The following GLIPR2 variants were observed in gnomAD, a reference collection of about 807,000 sequenced individuals.
The protein encoded by GLIPR2 is GLI pathogenesis related 2.
Under a neutral mutation model 20.4 loss-of-function variants are expected in GLIPR2, and 21 were observed. The ratio of observed to expected loss-of-function variants is 1.03; its 90% CI spans 0.73 to 1.48. GLIPR2 has a LOEUF of 1.48. Among genes scored for constraint, GLIPR2 ranks in the 40% most tolerant of loss-of-function variants. The pLI is 0.00. For synonymous variants in GLIPR2, 91 were observed against 80.5 expected, an observed-to-expected ratio of 1.13 and a Z score of -0.70; for missense variants, 205 against 200.1, an observed-to-expected ratio of 1.02 and a Z score of -0.15.
chr9:36,162,534 T>C lies in GLIPR2; in HGVS notation c.*12T>C. ...CGCCGAAGAAGTAACTTGTTAAATGTAATGGGAAGGTGGCAGACTTAAGAA... is the reference window on the plus strand; with the variant it reads ...CGCCGAAGAAGTAACTTGTTAAATGCAATGGGAAGGTGGCAGACTTAAGAA... On this transcript the variant is annotated 3_prime_UTR_variant, in exon 5 of 5. Transcript: ENST00000377960. 4 of 1,613,846 alleles carry C rather than the reference T, an allele frequency of 2.5e-6. No homozygotes were observed. Among genetic ancestry groups the C allele is most frequent in the Non-Finnish European group, 3.4e-6 (4 of 1,179,848 alleles).
At chr9:36,139,299 C>T (rs1282271209) in intron 1 of GLIPR2, among the ~76,000 whole-genome samples, 1 of 151,976 alleles carries the variant, frequency 6.6e-6, no homozygotes, top group African/African-American at 2.4e-5. Context: ...TCAGAGGCCA[C>T]CTCCACCCCT....
At chr9:36,138,493 G>A (rs1563876377) in intron 1 of GLIPR2, among the ~76,000 whole-genome samples, 1 of 152,150 alleles carries the variant, frequency 6.6e-6, no homozygotes, top group African/African-American at 2.4e-5. Flanking sequence ...AAAGTGCTAG[G>A]ATTACAGGTG....
intron 1 of GLIPR2, among the ~76,000 whole-genome samples, chr9:36,138,876 A>C (rs1363329742): frequency 1.6e-4 from 25 of 152,206 alleles, no homozygotes; most frequent in Admixed American, 1.6e-3. Context: ...GTCAAATCCC[A>C]GAGGGTCTTG....
intron 4 of GLIPR2, among the ~76,000 whole-genome samples, chr9:36,155,543 G>A (rs921682412): frequency 3.9e-5 from 6 of 152,090 alleles, no homozygotes; most frequent in African/African-American, 1.4e-4. Flanking sequence ...GCAGTGACAT[G>A]AGATCGTGCC....
chr9:36,144,724 C>T (rs1056016678), intron 1 of GLIPR2: 19 of 152,450 alleles, frequency 1.2e-4, no homozygotes, highest in Admixed American at 1.1e-3. Context: ...AGTTCTAGAG[C>T]TTGCGCCGCG....
intron 4 of GLIPR2, among the ~76,000 whole-genome samples, chr9:36,156,308 G>C (rs1242236590): frequency 6.9e-6 from 1 of 144,160 alleles, no homozygotes; most frequent in Non-Finnish European, 1.5e-5. Flanking sequence ...GATTGCTTGA[G>C]TCAAGGAGTT....
chr9:36,139,419 G>C (rs1824972546), intron 1 of GLIPR2, among the ~76,000 whole-genome samples: 1 of 152,042 alleles, frequency 6.6e-6, no homozygotes, highest in Admixed American at 6.6e-5. Context: ...AAAACCGAGA[G>C]CCCCCAGAAT....
At chr9:36,158,626 G>A (rs1189576753) in intron 4 of GLIPR2, among the ~76,000 whole-genome samples, 2 of 152,198 alleles carry the variant, frequency 1.3e-5, no homozygotes, top group Non-Finnish European at 2.9e-5. Flanking sequence ...TCATAAGCCA[G>A]ATATTTAGGA....
chr9:36,141,866 C>T (rs1825102905), intron 1 of GLIPR2: 4 of 455,222 alleles, frequency 8.8e-6, no homozygotes, highest in South Asian at 3.1e-5. Context: ...GAGCCTCCAG[C>T]GGTAGAGGCC....
intron 4 of GLIPR2, among the ~76,000 whole-genome samples, chr9:36,153,629 G>A (rs944831363): frequency 2.0e-5 from 3 of 152,202 alleles, no homozygotes; most frequent in Non-Finnish European, 2.9e-5. Flanking sequence ...GGCCAGGTGC[G>A]GTGGCTCACA....
chr9:36,159,948 G>A (rs1027432240), intron 4 of GLIPR2, among the ~76,000 whole-genome samples: 9 of 152,088 alleles, frequency 5.9e-5, no homozygotes, highest in African/African-American at 1.9e-4. Flanking sequence ...TCTGGGCAAC[G>A]GTGAGACTCC....
At chr9:36,161,786 T>A (rs1826063764) in intron 4 of GLIPR2, among the ~76,000 whole-genome samples, 1 of 152,168 alleles carries the variant, frequency 6.6e-6, no homozygotes, top group South Asian at 2.1e-4. Context: ...TAGAGTGGCA[T>A]CCTAATTGTT....
chr9:36,147,801 A>C lies in GLIPR2; in HGVS notation c.29A>C (p.His10Pro), dbSNP rs147657213. ...ATCATTCCAGCTTCCAAACAGTTTC[A>C]TAATGAGGTCCTGAAGGCCCACAAT... MGKSASKQFHNEVLKAHNEY... is the reference protein window; with the variant it reads MGKSASKQFPNEVLKAHNEY... The change falls in exon 2 of 5, where the codon CAT becomes CCT. Residue 10 changes from histidine to proline, a missense_variant. Coordinates refer to ENST00000377960, the MANE Select transcript of GLIPR2 (RefSeq NM_022343.4). 1.6e-4 allele frequency: 250 copies of C among 1,542,516 alleles called. No homozygotes were observed. The highest frequency in any genetic ancestry group is 2.2e-4 in the Non-Finnish European group (244 of 1,114,852).
chr9:36,154,064 ATATATTATATATTATATAT>A (rs1825716331), intron 4 of GLIPR2, among the ~76,000 whole-genome samples: 1 of 126,738 alleles, frequency 7.9e-6, no homozygotes, highest in African/African-American at 2.9e-5. Context: ...ATTATATATT[ATATATTATATATTATATAT>A]TATATATATA....
intron 1 of GLIPR2, among the ~76,000 whole-genome samples, chr9:36,147,552 G>A (rs1007828918): frequency 1.3e-5 from 2 of 152,104 alleles, no homozygotes; most frequent in Non-Finnish European, 2.9e-5. Flanking sequence ...GGGCCCATAA[G>A]GCCCCACATG....
intron 1 of GLIPR2, among the ~76,000 whole-genome samples, chr9:36,137,499 C>T (rs980712002): frequency 6.6e-6 from 1 of 152,180 alleles, no homozygotes; most frequent in Non-Finnish European, 1.5e-5. Context: ...GTTTCCTTGC[C>T]GGGCCTTCAC....
intron 4 of GLIPR2, among the ~76,000 whole-genome samples, chr9:36,155,029 G>A (rs573379789): frequency 5.0e-4 from 76 of 152,308 alleles, no homozygotes; most frequent in Non-Finnish European, 9.0e-4. Flanking sequence ...TGACCCAAAC[G>A]TATTAAGAAC....
chr9:36,157,330 TTTTTTA>T (rs1420834696), intron 4 of GLIPR2, among the ~76,000 whole-genome samples: 4 of 151,152 alleles, frequency 2.6e-5, no homozygotes, highest in Admixed American at 2.0e-4. Context: ...ACCCAGTCTC[TTTTTTA>T]TTTTTATTTT....
At chr9:36,139,789 A>G (rs780957847) in intron 1 of GLIPR2, among the ~76,000 whole-genome samples, 11 of 152,168 alleles carry the variant, frequency 7.2e-5, no homozygotes, top group South Asian at 2.1e-4. Context: ...CGCTTGGCCT[A>G]GTGATCGAAG....
Sources: allele counts gnomAD v4.1 joint callset (sites outside exome capture counted in the v4.1 genomes callset), GRCh38; gene constraint gnomAD v4.1.1; transcripts MANE v1.5; gene names NCBI Gene and HGNC (gene_info 2026-07-23, HGNC 2026-07-21).